The following AGBL4 variants were observed in gnomAD, a reference collection of about 807,000 sequenced individuals.
AGBL4 encodes the protein cytosolic carboxypeptidase 6.
AGBL4 carries 58 observed loss-of-function variants against 66.4 expected under a neutral mutation model. The observed-to-expected ratio is 0.87, with a 90% CI of 0.71 to 1.09. The LOEUF (loss-of-function observed/expected upper bound fraction) is 1.09. Among genes scored for constraint, AGBL4 ranks in the 50% least tolerant of loss-of-function variants. The probability of loss-of-function intolerance (pLI) is 0.00; values close to 1 mark genes in which losing one functional copy is unlikely to be tolerated. For synonymous variants in AGBL4, 234 were observed against 222.9 expected (o/e 1.05, Z -0.44); for missense variants, 579 against 631.0 (o/e 0.92, Z 0.88).
chr1:49,374,352 A>C (rs1337325222), intron 3 of AGBL4: 1 of 151,964 alleles, frequency 6.6e-6, no homozygotes, highest in African/African-American at 2.4e-5. Context: ...ATCCTAAAAA[A>C]AAAAAACAAA....
chr1:49,697,195 G>C, intron 3 of AGBL4, 118 bp downstream of exon 3: 1 of 1,177,326 alleles, frequency 8.5e-7, no homozygotes, highest in Non-Finnish European at 1.2e-6. Flanking sequence ...CTGTATCATT[G>C]CTGTGGATAA....
chr1:48,601,296 T>C (rs1049429730), intron 9 of AGBL4, among the ~76,000 whole-genome samples: 11 of 152,190 alleles, frequency 7.2e-5, no homozygotes, highest in African/African-American at 2.4e-4. Context: ...ATTCACACAC[T>C]GTCATAGAGG....
intron 6 of AGBL4, among the ~76,000 whole-genome samples, chr1:48,846,421 G>GAAAGAAATAAAT (rs796582660): frequency 7.9e-4 from 114 of 144,720 alleles, no homozygotes; most frequent in South Asian, 1.3e-3. Context: ...AAGAAAGAAA[G>GAAAGAAATAAAT]AAATTCATTT....
chr1:49,794,969 A>G (rs961757548), intron 2 of AGBL4, among the ~76,000 whole-genome samples: 1 of 151,966 alleles, frequency 6.6e-6, no homozygotes, highest in African/African-American at 2.4e-5. Context: ...GTTGAAAAGT[A>G]AAGGAAATGA....
At chr1:49,707,409 A>G (rs1206834974) in intron 2 of AGBL4, among the ~76,000 whole-genome samples, 4 of 116,962 alleles carry the variant, frequency 3.4e-5, no homozygotes, top group Non-Finnish European at 5.1e-5. Context: ...TGGTTGGTAC[A>G]TATTCCTAAA....
At chr1:48,538,595 T>C (rs1191197889) in intron 12 of AGBL4, among the ~76,000 whole-genome samples, 2 of 152,092 alleles carry the variant, frequency 1.3e-5, no homozygotes, top group African/African-American at 2.4e-5. Context: ...CAAAAACTCT[T>C]TGACCTCAGG....
chr1:49,269,093 T>C (rs529230600), intron 3 of AGBL4: 6 of 152,246 alleles, frequency 3.9e-5, no homozygotes, highest in African/African-American at 1.2e-4. Context: ...TAGGGTAGGG[T>C]GACAGTGGAT....
At chr1:48,892,322 C>G (rs3127560) in intron 5 of AGBL4, among the ~76,000 whole-genome samples, 130,829 of 152,188 alleles carry the variant, frequency 0.86, 57,513 homozygotes, top group Non-Finnish European at 0.96. Flanking sequence ...GTAATCACAT[C>G]TTCACTTGAT....
At chr1:49,461,300 T>G (rs1646505808) in intron 3 of AGBL4, among the ~76,000 whole-genome samples, 1 of 151,556 alleles carries the variant, frequency 6.6e-6, no homozygotes, top group Non-Finnish European at 1.5e-5. Flanking sequence ...TCATTTAAAA[T>G]TCTTTTTTTG....
chr1:49,070,503 T>C (rs1644580166), intron 4 of AGBL4, among the ~76,000 whole-genome samples: 1 of 152,012 alleles, frequency 6.6e-6, no homozygotes, highest in South Asian at 2.1e-4. Flanking sequence ...GTGGTTTTTG[T>C]CATTGGTTCT....
chr1:48,687,056 G>A (rs1333846886), intron 6 of AGBL4, among the ~76,000 whole-genome samples: 1 of 151,482 alleles, frequency 6.6e-6, no homozygotes, highest in African/African-American at 2.4e-5. Context: ...CAACACAGAG[G>A]GGCAGGGGGT....
At chr1:48,941,069 A>G (rs1201067007) in intron 5 of AGBL4, among the ~76,000 whole-genome samples, 1 of 152,210 alleles carries the variant, frequency 6.6e-6, no homozygotes, top group African/African-American at 2.4e-5. Context: ...GGATCAATAG[A>G]AGCTTCAGAG....
chr1:49,745,177 G>T (rs909324876), intron 2 of AGBL4, among the ~76,000 whole-genome samples: 1 of 151,966 alleles, frequency 6.6e-6, no homozygotes, highest in Non-Finnish European at 1.5e-5. Flanking sequence ...CAGAGCTCAA[G>T]TAAAAAATGC....
At chr1:49,927,315 A>T (rs1652875815) in intron 1 of AGBL4, among the ~76,000 whole-genome samples, 1 of 152,194 alleles carries the variant, frequency 6.6e-6, no homozygotes, top group Non-Finnish European at 1.5e-5. Context: ...ACCTGAGATT[A>T]GTAATTTATA....
intron 6 of AGBL4, among the ~76,000 whole-genome samples, chr1:48,681,807 G>A (rs938096884): frequency 6.6e-6 from 1 of 152,184 alleles, no homozygotes; most frequent in Non-Finnish European, 1.5e-5. Context: ...GATTAACTGG[G>A]GAGTGGGGGA....
intron 4 of AGBL4, among the ~76,000 whole-genome samples, chr1:49,121,734 T>G (rs1027792742): frequency 1.3e-5 from 2 of 152,230 alleles, no homozygotes; most frequent in African/African-American, 4.8e-5. Context: ...ACCACTGCTC[T>G]CTTCAGAGCT....
intron 2 of AGBL4, among the ~76,000 whole-genome samples, chr1:49,714,849 CAT>C (rs1357670574): frequency 6.6e-6 from 1 of 151,856 alleles, no homozygotes; most frequent in East Asian, 1.9e-4. Context: ...GAGAAATCTC[CAT>C]ACTGTTTTCC....
chr1:49,066,422 C>T (rs949730538), intron 4 of AGBL4, among the ~76,000 whole-genome samples: 1 of 152,094 alleles, frequency 6.6e-6, no homozygotes, highest in East Asian at 1.9e-4. Flanking sequence ...TGTGGTGGCA[C>T]ACGCCTGTAG....
chr1:49,193,401 T>C (rs1647160388), intron 4 of AGBL4, among the ~76,000 whole-genome samples: 1 of 152,046 alleles, frequency 6.6e-6, no homozygotes, highest in Non-Finnish European at 1.5e-5. Flanking sequence ...TGTGTTTCCA[T>C]ATTCATTCAT....
Sources: allele counts gnomAD v4.1 joint callset (sites outside exome capture counted in the v4.1 genomes callset), GRCh38; gene constraint gnomAD v4.1.1; transcripts MANE v1.5; gene names NCBI Gene and HGNC (gene_info 2026-07-23, HGNC 2026-07-21).